Variants in NAA25 observed in about 807,000 individuals in gnomAD.
The protein encoded by NAA25 is N-alpha-acetyltransferase 25, NatB auxiliary subunit.
Under a neutral mutation model 132.5 loss-of-function variants are expected in NAA25, and 30 were observed. The ratio of observed to expected loss-of-function variants is 0.23; its 90% CI spans 0.17 to 0.31. The LOEUF is 0.31. NAA25 is among the 10% of genes least tolerant of loss of function. The probability of loss-of-function intolerance (pLI) is 1.00; values close to 1 mark genes in which losing one functional copy is unlikely to be tolerated. For synonymous variants in NAA25, 359 were observed against 401.9 expected (o/e 0.89, Z 1.28); for missense variants, 771 against 1,150.4 (o/e 0.67, Z 4.77).
intron 23 of NAA25, among the ~76,000 whole-genome samples, chr12:112,032,968 C>G (rs935353404): frequency 6.6e-6 from 1 of 152,108 alleles, no homozygotes; most frequent in Non-Finnish European, 1.5e-5. Context: ...CCATGTTGCT[C>G]AAAATGCTGG....
intron 15 of NAA25, among the ~76,000 whole-genome samples, chr12:112,052,507 A>G (rs975649991): frequency 6.6e-6 from 1 of 152,218 alleles, no homozygotes; most frequent in Admixed American, 6.5e-5. Context: ...CCACCTGCTT[A>G]GAGCTGTCCT....
chr12:112,100,780 C>T (rs951296405), intron 1 of NAA25, among the ~76,000 whole-genome samples: 2 of 151,800 alleles, frequency 1.3e-5, no homozygotes, highest in African/African-American at 4.8e-5. Context: ...CCATCACGCC[C>T]GGAGAATTTT....
At chr12:112,103,829 T>TAA (rs1393484193) in intron 1 of NAA25, among the ~76,000 whole-genome samples, 1 of 152,116 alleles carries the variant, frequency 6.6e-6, no homozygotes, top group African/African-American at 2.4e-5. Context: ...AGGCATTAGT[T>TAA]AGAGTCTCAT....
At chr12:112,100,467 C>T (rs1465101034) in intron 1 of NAA25, among the ~76,000 whole-genome samples, 1 of 151,720 alleles carries the variant, frequency 6.6e-6, no homozygotes, top group African/African-American at 2.4e-5. Context: ...GGCCTTGCTT[C>T]CCTTTTAGTT....
At chr12:112,045,664 A>G (rs2078371035) in intron 17 of NAA25, among the ~76,000 whole-genome samples, 2 of 151,624 alleles carry the variant, frequency 1.3e-5, no homozygotes, top group Non-Finnish European at 2.9e-5. Flanking sequence ...GCGTGGTGGC[A>G]GGGACCTGTA....
intron 1 of NAA25, among the ~76,000 whole-genome samples, chr12:112,103,081 G>A (rs1354531623): frequency 1.3e-5 from 2 of 152,156 alleles, no homozygotes; most frequent in Non-Finnish European, 2.9e-5. Flanking sequence ...CCGCCTCCCG[G>A]GTTCAAGTGA....
rs1263366853 is a variant in NAA25, at chr12:112,028,973, T to C, written c.*558A>G. On this transcript the variant is annotated 3_prime_UTR_variant, in exon 24 of 24. Coordinates refer to ENST00000261745, the MANE Select transcript of NAA25 (RefSeq NM_024953.4). ...GGTGCCCTTCTATTGCGGGTGCATA[T>C]GCCAGATCTCATCTAAGGTCCTTTG... 2 of 152,860 alleles carry C rather than the reference T, an allele frequency of 1.3e-5. No homozygotes were observed. Among genetic ancestry groups the C allele is most frequent in the South Asian group, 2.1e-4 (1 of 4,874 alleles). 9.5% of individuals were successfully genotyped at this position (152,860 alleles called of 1,614,324 possible). A position where few individuals can be genotyped will look rare whatever the true frequency, so the allele number is the denominator to read the frequency against.
intron 11 of NAA25, among the ~76,000 whole-genome samples, chr12:112,066,073 G>A (rs764733364): frequency 1.5e-4 from 23 of 152,156 alleles, no homozygotes; most frequent in African/African-American, 5.5e-4. Context: ...TTCCAGTAAG[G>A]GTCATCTGAA....
chr12:112,056,429 TGCCTATACTCCCA>T (rs1157412404), intron 13 of NAA25, among the ~76,000 whole-genome samples: 1 of 152,082 alleles, frequency 6.6e-6, no homozygotes, highest in Non-Finnish European at 1.5e-5. Flanking sequence ...TGGTGGCATG[TGCCTATACTCCCA>T]GTTACCCAGG....
chr12:112,079,312 G>T (rs2078937461), intron 5 of NAA25, among the ~76,000 whole-genome samples: 1 of 152,178 alleles, frequency 6.6e-6, no homozygotes, highest in South Asian at 2.1e-4. Context: ...GGCCAGGCGT[G>T]GTGGCTCATG....
intron 22 of NAA25, 179 bp from the exon 23 acceptor site, chr12:112,033,558 G>T: frequency 2.4e-6 from 1 of 410,376 alleles, no homozygotes; most frequent in Non-Finnish European, 4.2e-6. Context: ...AAATAACACA[G>T]TAATATTAAA....
chr12:112,037,275 CATATATATATATATATATATATATAT>C lies in NAA25; in HGVS notation c.2649+1928_2649+1953del, dbSNP rs57810657. On this transcript the variant is annotated intron_variant, in intron 22 of 23. Coordinates refer to ENST00000261745, the MANE Select transcript of NAA25 (RefSeq NM_024953.4). ...TCAGATAGCGATATTTTAAAAAATACATATATATATATATATATATATATATATATATATATATATATATATTCAAA... is the reference window on the plus strand; with the variant it reads ...TCAGATAGCGATATTTTAAAAAATACATATATATATATATATATATTCAAA... Among the ~76,000 whole-genome samples, 332 of 65,190 alleles carry C rather than the reference CATATATATATATATATATATATATAT, an allele frequency of 5.1e-3. 7 individuals carry two copies. The highest frequency in any genetic ancestry group is 0.016 in the Admixed American group (78 of 4,978). 42.8% of individuals were successfully genotyped at this position (65,190 alleles called of 152,430 possible).
intron 23 of NAA25, among the ~76,000 whole-genome samples, chr12:112,030,762 G>A (rs921480242): frequency 6.6e-6 from 1 of 152,088 alleles, no homozygotes; most frequent in Non-Finnish European, 1.5e-5. Context: ...AAATACAAAT[G>A]TGCATAGAAA....
Position 112,061,344 on chromosome 12 carries a change from T to C in NAA25, c.1194A>G (p.Thr398=). The change falls in exon 12 of 24, where the codon ACA becomes ACG. Residue 398 remains threonine, a synonymous_variant. Coordinates refer to ENST00000261745, the MANE Select transcript of NAA25 (RefSeq NM_024953.4). ...LLGVVPLSTP[T]EDKLALPADI... is the part of the protein sequence containing the mutation. ...CAGCAGGCAGTGCCAGCTTATCCTC[T>C]GTTGGTGTCGACAAAGGAACAACTC... is the stretch of plus-strand genomic sequence containing the variant. The C allele has an allele frequency of 6.2e-7, 1 of 1,614,190 alleles. No individual in the cohort carries two copies. Among genetic ancestry groups the C allele is most frequent in the Non-Finnish European group, 8.5e-7 (1 of 1,180,026 alleles).
intron 22 of NAA25, chr12:112,035,331 C>T (rs1176032296): frequency 6.6e-6 from 1 of 152,070 alleles, no homozygotes; most frequent in Non-Finnish European, 1.5e-5. Flanking sequence ...AAACTTTGCC[C>T]TCCTTTTTTT....
rs2078098608 is a variant in NAA25 at position 112,027,318 on chromosome 12, T to G, written c.*2213A>C. ...TTTTACTCATGTAAGAATATATATA[T>G]ATATATATTTTTTTAACTGTACACA... On this transcript the variant is annotated 3_prime_UTR_variant, in exon 24 of 24. Coordinates refer to ENST00000261745, the MANE Select transcript of NAA25 (RefSeq NM_024953.4). 6.6e-6 allele frequency: 1 copy of G among 151,468 alleles called. No homozygotes were observed. The highest frequency in any genetic ancestry group is 2.4e-5 in the African/African-American group (1 of 41,104). The allele number at this position is 151,468 out of a possible 1,614,324, so 9.4% of individuals were successfully genotyped here. A position where few individuals can be genotyped will look rare whatever the true frequency, so the allele number is the denominator to read the frequency against.
chr12:112,098,067 G>C lies in NAA25; in HGVS notation c.59-4931C>G, dbSNP rs376196070. ...ACCCGGGAGGCGGAGGTTGCAATGA[G>C]CTGAGATTGTGCCACTGCACTCCAG... On this transcript the variant is annotated intron_variant, in intron 1 of 23. Coordinates refer to ENST00000261745, the MANE Select transcript of NAA25 (RefSeq NM_024953.4). Among the ~76,000 whole-genome samples the C allele has an allele frequency of 4.8e-4, 69 of 142,818 alleles. 1 individual carries two copies. The highest frequency in any genetic ancestry group is 1.8e-3 in the African/African-American group (68 of 37,786). The allele number at this position is 142,818 out of a possible 152,430, so 93.7% of individuals were successfully genotyped here.
intron 1 of NAA25, among the ~76,000 whole-genome samples, chr12:112,107,152 C>T (rs962843913): frequency 6.6e-6 from 1 of 151,864 alleles, no homozygotes; most frequent in Non-Finnish European, 1.5e-5. Context: ...CTCAGCTACT[C>T]AGGAGGCTGA....
intron 1 of NAA25, 147 bp from the exon 2 acceptor site, chr12:112,093,283 T>A: frequency 2.0e-6 from 1 of 505,744 alleles, no homozygotes. Context: ...CTTACACCTG[T>A]AATCCCAGCA....
Sources: gnomAD v4.1 joint callset for allele counts (sites outside exome capture counted in the v4.1 genomes callset) on GRCh38, gnomAD v4.1.1 for gene constraint, MANE v1.5 for transcripts, NCBI Gene and HGNC (gene_info 2026-07-23, HGNC 2026-07-21) for gene names.